Variants in DOCK9 observed in about 807,000 individuals in gnomAD.
DOCK9 encodes the protein dedicator of cytokinesis 9, also known as dedicator of cytokinesis protein 9.
A neutral mutation model predicts 263.3 loss-of-function variants in DOCK9; 89 were observed. That is an observed-to-expected ratio of 0.34 (90% CI 0.28 to 0.40). DOCK9 has a LOEUF of 0.40. Ranked by LOEUF, DOCK9 falls within the 10% of genes least tolerant of loss-of-function variation. The probability of loss-of-function intolerance (pLI) is 1.00; values close to 1 mark genes in which losing one functional copy is unlikely to be tolerated. For missense variants in DOCK9, 2,140 were observed against 2,603.4 expected (o/e 0.82, Z 3.87); for synonymous variants, 976 against 973.1 (o/e 1.00, Z -0.06).
intron 1 of DOCK9, among the ~76,000 whole-genome samples, chr13:99,050,007 G>A (rs1038685472): frequency 3.9e-5 from 6 of 152,176 alleles, no homozygotes; most frequent in African/African-American, 1.4e-4. Flanking sequence ...TTAAAAAATT[G>A]AAATATGATA....
At position 98,902,269 on chromosome 13, in the gene DOCK9, C is replaced by A; in HGVS notation, c.1380+19G>T. The A allele has an allele frequency of 1.2e-6, 2 of 1,611,002 alleles. No individual in the cohort carries two copies. The highest frequency in any genetic ancestry group is 8.5e-7 in the Non-Finnish European group (1 of 1,178,682). Reference sequence around the variant, plus strand: ...AAAGTGAGTCTGAGTAGTGGGAATGCTGGGCTCATACTCCCCACCTGCTTC... The same window carrying A: ...AAAGTGAGTCTGAGTAGTGGGAATGATGGGCTCATACTCCCCACCTGCTTC... On this transcript the variant is annotated intron_variant, in intron 12 of 52. Coordinates refer to ENST00000682017, the MANE Select transcript of DOCK9 (RefSeq NM_001366683.2).
At chr13:98,881,524 G>A (rs1370252037) in intron 25 of DOCK9, 34 bp downstream of exon 25, 1 of 1,546,656 alleles carries the variant, frequency 6.5e-7, no homozygotes. Flanking sequence ...GAGAGCCACA[G>A]ATGTAAGTGA....
rs60103002 is a variant in DOCK9 at position 98,805,376 on chromosome 13, A to T, written c.5515-167T>A. 6.4e-3 allele frequency among the ~76,000 whole-genome samples: 969 copies of T among 152,320 alleles called. 15 individuals carry two copies. Among genetic ancestry groups the T allele is most frequent in the African/African-American group, 0.023 (944 of 41,580 alleles). ...GATCAACAACTGCTAGCAGTTTGCT[A>T]TATTTGTTTCAAATATACATACACA... On this transcript the variant is annotated intron_variant, in intron 48 of 52. Transcript: ENST00000682017.
chr13:98,915,220 C>T (rs879935706), intron 8 of DOCK9, 109 bp downstream of exon 8: 60 of 1,050,792 alleles, frequency 5.7e-5, no homozygotes, highest in Non-Finnish European at 7.4e-5. Flanking sequence ...CCTATCCGTC[C>T]CACCTCTCAT....
chr13:99,047,891 T>C (rs1037633419), intron 1 of DOCK9, among the ~76,000 whole-genome samples: 1 of 151,940 alleles, frequency 6.6e-6, no homozygotes, highest in Non-Finnish European at 1.5e-5. Context: ...AAACTCAATG[T>C]ATTGTTCTCC....
upstream of DOCK9, among the ~76,000 whole-genome samples, chr13:98,979,935 G>T (rs1450402519): frequency 6.6e-6 from 1 of 152,226 alleles, no homozygotes; most frequent in African/African-American, 2.4e-5. Flanking sequence ...GATGGTTCAG[G>T]AAGTTCTAAA....
chr13:99,016,841 G>T (rs1282906119), intron 1 of DOCK9, among the ~76,000 whole-genome samples: 2 of 152,204 alleles, frequency 1.3e-5, no homozygotes, highest in South Asian at 4.1e-4. Flanking sequence ...CAAGGCAACA[G>T]ATAATTTCAT....
chr13:98,951,006 T>A (rs1334889181), intron 2 of DOCK9, among the ~76,000 whole-genome samples: 1 of 152,250 alleles, frequency 6.6e-6, no homozygotes, highest in Non-Finnish European at 1.5e-5. Context: ...AGGCTCATCA[T>A]GTCTTAAGCG....
At chr13:99,080,818 C>G (rs765829950) in intron 1 of DOCK9, among the ~76,000 whole-genome samples, 1 of 152,116 alleles carries the variant, frequency 6.6e-6, no homozygotes, top group Non-Finnish European at 1.5e-5. Flanking sequence ...AGGTGACTGA[C>G]CCGTCCACCT....
At chr13:98,988,277 C>G (rs1189861773) in intron 1 of DOCK9, among the ~76,000 whole-genome samples, 1 of 152,122 alleles carries the variant, frequency 6.6e-6, no homozygotes, top group East Asian at 1.9e-4. Flanking sequence ...AACTGAGATA[C>G]TATTTTAATG....
At chr13:98,918,963 G>C (rs1316367949) in intron 7 of DOCK9, among the ~76,000 whole-genome samples, 1 of 152,158 alleles carries the variant, frequency 6.6e-6, no homozygotes, top group African/African-American at 2.4e-5. Flanking sequence ...ACCAGCACAG[G>C]AAATCATGCA....
chr13:98,852,439 G>GAA (rs939360402), intron 35 of DOCK9, among the ~76,000 whole-genome samples: 1 of 146,506 alleles, frequency 6.8e-6, no homozygotes. Context: ...TGGGGTTGGG[G>GAA]AAAAAAAAAA....
At chr13:98,907,996 C>T (rs555457541) in intron 9 of DOCK9, among the ~76,000 whole-genome samples, 15 of 152,054 alleles carry the variant, frequency 9.9e-5, no homozygotes, top group Non-Finnish European at 1.5e-4. Context: ...AAAGAGAAAA[C>T]ACTAAGGCAT....
At chr13:98,977,047 T>C (rs1326360031) in intron 1 of DOCK9, among the ~76,000 whole-genome samples, 2 of 152,220 alleles carry the variant, frequency 1.3e-5, no homozygotes, top group African/African-American at 4.8e-5. Context: ...GTTGGTGGTT[T>C]TGTGCAGCTT....
chr13:99,004,968 G>T lies in DOCK9; in HGVS notation c.130-49417C>A, dbSNP rs927516001. The stretch of plus-strand genomic sequence containing the variant: ...TGTACTCTTCATCTATAAATGTACA[G>T]ATATATTTCCTGCAGACATGAATAG... On this transcript the variant is annotated intron_variant, in intron 1 of 32. Transcript: ENST00000427887. 2.0e-5 allele frequency among the ~76,000 whole-genome samples: 3 copies of T among 152,000 alleles called. No homozygotes were observed. In the East Asian group the frequency reaches 5.8e-4, roughly 29 times the overall value.
chr13:98,955,247 G>T (rs1159981079), intron 2 of DOCK9, among the ~76,000 whole-genome samples, 188 bp downstream of exon 2: 3 of 152,152 alleles, frequency 2.0e-5, no homozygotes. Context: ...GAACCCAGGA[G>T]GCGGAGGTTG....
At chr13:99,018,915 GCAGGCC>G (rs141530759) in intron 1 of DOCK9, among the ~76,000 whole-genome samples, 13,097 of 152,104 alleles carry the variant, frequency 0.086, 647 homozygotes, top group African/African-American at 0.14. Context: ...CTTTTGAGAT[GCAGGCC>G]CAGGTCTTCC....
chr13:98,918,851 A>C (rs2051343316), intron 7 of DOCK9, among the ~76,000 whole-genome samples: 1 of 152,232 alleles, frequency 6.6e-6, no homozygotes, highest in Non-Finnish European at 1.5e-5. Context: ...CAACACAGGA[A>C]GGAAGACAGG....
At chr13:99,067,519 C>G (rs2041474094) in intron 1 of DOCK9, among the ~76,000 whole-genome samples, 2 of 152,198 alleles carry the variant, frequency 1.3e-5, no homozygotes, top group African/African-American at 4.8e-5. Context: ...TGCCCCTCCT[C>G]TCCCAAAGGT....
Sources: gnomAD v4.1 joint callset for allele counts (sites outside exome capture counted in the v4.1 genomes callset) on GRCh38, gnomAD v4.1.1 for gene constraint, MANE v1.5 for transcripts, NCBI Gene and HGNC (gene_info 2026-07-23, HGNC 2026-07-21) for gene names.